Variants in KCND2 observed in about 807,000 individuals in gnomAD.
KCND2 encodes the protein potassium voltage-gated channel subfamily D member 2.
KCND2 carries 16 observed loss-of-function variants against 54.4 expected under a neutral mutation model. The observed-to-expected ratio is 0.29, with a 90% CI of 0.20 to 0.45. KCND2 has a LOEUF of 0.45. Among genes scored for constraint, KCND2 ranks in the 20% least tolerant of loss-of-function variants. The pLI, the probability that KCND2 is intolerant of heterozygous loss-of-function variation, is 1.00. For missense variants in KCND2, 486 were observed against 824.2 expected (o/e 0.59, Z 5.02); for synonymous variants, 317 against 310.7 (o/e 1.02, Z -0.21).
chr7:120,526,024 A>T (rs1044551352), intron 1 of KCND2, among the ~76,000 whole-genome samples: 21 of 152,136 alleles, frequency 1.4e-4, no homozygotes, highest in Non-Finnish European at 8.8e-5. Flanking sequence ...ACCTACAAGC[A>T]TGGGATTTTC....
chr7:120,644,475 A>G (rs1793414112), intron 1 of KCND2, among the ~76,000 whole-genome samples: 1 of 152,188 alleles, frequency 6.6e-6, no homozygotes, highest in Non-Finnish European at 1.5e-5. Flanking sequence ...GAAAATAACA[A>G]ACTACCAGGA....
intron 1 of KCND2, among the ~76,000 whole-genome samples, chr7:120,586,948 A>AT (rs1378130989): frequency 1.3e-5 from 2 of 152,140 alleles, no homozygotes; most frequent in Admixed American, 1.3e-4. Context: ...GATTTCTTTA[A>AT]TTTTTGGAGT....
chr7:120,672,991 GA>G (rs1792012944), intron 1 of KCND2: 1 of 147,464 alleles, frequency 6.8e-6, no homozygotes, highest in Non-Finnish European at 1.5e-5. Context: ...GAGAAAGAAA[GA>G]GAGAGAGAGA....
chr7:120,730,563 A>G (rs1370872427), intron 1 of KCND2, among the ~76,000 whole-genome samples: 1 of 152,210 alleles, frequency 6.6e-6, no homozygotes, highest in African/African-American at 2.4e-5. Flanking sequence ...ATATGAACAC[A>G]GCATTCTGGT....
chr7:120,681,986 C>G (rs575889680), intron 1 of KCND2, among the ~76,000 whole-genome samples: 2 of 151,894 alleles, frequency 1.3e-5, no homozygotes, highest in Non-Finnish European at 2.9e-5. Context: ...GGGAAAGATA[C>G]TGTTTAAAAG....
chr7:120,721,138 A>C (rs1292643433), intron 1 of KCND2, among the ~76,000 whole-genome samples: 1 of 152,162 alleles, frequency 6.6e-6, no homozygotes, highest in Non-Finnish European at 1.5e-5. Flanking sequence ...ATGTTTAAGC[A>C]GGTGTACTTT....
chr7:120,582,954 ATGTGTGTGTGTGTG>A (rs10631536), intron 1 of KCND2, among the ~76,000 whole-genome samples: 2 of 147,422 alleles, frequency 1.4e-5, no homozygotes, highest in African/African-American at 5.0e-5. Flanking sequence ...GTGTGTGTGT[ATGTGTGTGTGTGTG>A]TGTGTGTGTG....
At chr7:120,626,776 T>C (rs1429047902) in intron 1 of KCND2, among the ~76,000 whole-genome samples, 1 of 152,182 alleles carries the variant, frequency 6.6e-6, no homozygotes, top group Non-Finnish European at 1.5e-5. Context: ...TTTTAAAAAT[T>C]AGATTATAGT....
At chr7:120,641,887 T>G (rs1426070738) in intron 1 of KCND2, among the ~76,000 whole-genome samples, 2 of 151,882 alleles carry the variant, frequency 1.3e-5, no homozygotes, top group Non-Finnish European at 2.9e-5. Context: ...CACAGCGCTT[T>G]CAAATCCACC....
intron 4 of KCND2, among the ~76,000 whole-genome samples, chr7:120,743,006 AC>A (rs1428519267): frequency 6.6e-6 from 1 of 152,178 alleles, no homozygotes; most frequent in Non-Finnish European, 1.5e-5. Flanking sequence ...AATAGCAATA[AC>A]AAAAAACAGA....
At chr7:120,491,941 T>C (rs1802789219) in intron 1 of KCND2, among the ~76,000 whole-genome samples, 1 of 152,168 alleles carries the variant, frequency 6.6e-6, no homozygotes, top group Non-Finnish European at 1.5e-5. Context: ...TCTTTAACCA[T>C]TTAATTTAAA....
At chr7:120,388,861 TCTTTA>T (rs141406483) in intron 1 of KCND2, among the ~76,000 whole-genome samples, 2,260 of 147,354 alleles carry the variant, frequency 0.015, 53 homozygotes, top group African/African-American at 0.051. Context: ...TATGTTATAT[TCTTTA>T]CTTTATATCA....
At chr7:120,396,824 T>G (rs1157267663) in intron 1 of KCND2, among the ~76,000 whole-genome samples, 1 of 152,086 alleles carries the variant, frequency 6.6e-6, no homozygotes, top group Non-Finnish European at 1.5e-5. Context: ...GCCATATATT[T>G]CCACAGAACA....
chr7:120,306,666 T>G (rs1799654395), intron 1 of KCND2, among the ~76,000 whole-genome samples: 1 of 152,124 alleles, frequency 6.6e-6, no homozygotes, highest in Non-Finnish European at 1.5e-5. Flanking sequence ...AAACTTTCTC[T>G]ATGAAACTCC....
In KCND2 at chr7:120,593,176, A is replaced by T. The variant is rs1251368488; in HGVS notation, c.1116-139727A>T. Among the ~76,000 whole-genome samples the T allele has an allele frequency of 3.3e-5, 5 of 152,312 alleles. No individual in the cohort carries two copies. In the South Asian group the frequency reaches 1.0e-3, roughly 32 times the overall value. On this transcript the variant is annotated intron_variant, in intron 1 of 5. Transcript: ENST00000331113. ...AGCACTAACACAAAAATGAAAGAAA[A>T]TTTTGTACCTATCAAATATTCTTTC...
intron 1 of KCND2, among the ~76,000 whole-genome samples, chr7:120,381,526 T>C (rs1440054684): frequency 1.3e-5 from 2 of 152,100 alleles, no homozygotes; most frequent in East Asian, 3.9e-4. Flanking sequence ...TCTTTTTAAT[T>C]TGATATAATG....
At chr7:120,344,124 C>T (rs1053018224) in intron 1 of KCND2, among the ~76,000 whole-genome samples, 3 of 152,012 alleles carry the variant, frequency 2.0e-5, no homozygotes, top group Non-Finnish European at 4.4e-5. Flanking sequence ...TTATAGCAAC[C>T]GAAGTGTGTA....
chr7:120,534,580 G>T (rs1791879800), intron 1 of KCND2, among the ~76,000 whole-genome samples: 1 of 152,080 alleles, frequency 6.6e-6, no homozygotes, highest in Non-Finnish European at 1.5e-5. Context: ...TTTGCATTAG[G>T]GAAAATTAAC....
rs869059871 is a variant in KCND2 at position 120,712,241 on chromosome 7, A to ATTTTTTTTTTTTTTTTTTTTTTTTTT, written c.1116-20647_1116-20622dup. 5.8e-5 allele frequency among the ~76,000 whole-genome samples: 2 copies of ATTTTTTTTTTTTTTTTTTTTTTTTTT among 34,762 alleles called. 1 individual carries two copies. The highest frequency in any genetic ancestry group is 2.4e-4 in the African/African-American group (2 of 8,256). 22.8% of individuals were successfully genotyped at this position (34,762 alleles called of 152,430 possible). On this transcript the variant is annotated intron_variant, in intron 1 of 5. Coordinates refer to ENST00000331113, the MANE Select transcript of KCND2 (RefSeq NM_012281.3). ...TTTTCTTTGAATTTTGGATATCTGA[A>ATTTTTTTTTTTTTTTTTTTTTTTTTT]TTTTTTTTTTTTTTTTTTTTTTTTT... is the stretch of plus-strand genomic sequence containing the variant.
Sources: allele counts gnomAD v4.1 joint callset (sites outside exome capture counted in the v4.1 genomes callset), GRCh38; gene constraint gnomAD v4.1.1; transcripts MANE v1.5; gene names NCBI Gene and HGNC (gene_info 2026-07-23, HGNC 2026-07-21).